Variants in COL23A1 observed in about 807,000 individuals in gnomAD.
COL23A1 encodes the protein collagen alpha-1(XXIII) chain.
COL23A1 carries 97 observed loss-of-function variants against 99.3 expected under a neutral mutation model. The observed-to-expected ratio is 0.98, with a 90% CI of 0.83 to 1.16. COL23A1 has a LOEUF of 1.16. Among genes scored for constraint, COL23A1 ranks in the 50% most tolerant of loss-of-function variants. The pLI, the probability that COL23A1 is intolerant of heterozygous loss-of-function variation, is 0.00. For missense variants in COL23A1, 762 were observed against 757.4 expected, an observed-to-expected ratio of 1.01 and a Z score of -0.07; for synonymous variants, 320 against 308.2, an observed-to-expected ratio of 1.04 and a Z score of -0.40.
intron 2 of COL23A1, among the ~76,000 whole-genome samples, chr5:178,548,746 T>C (rs1431218560): frequency 6.6e-6 from 1 of 152,180 alleles, no homozygotes; most frequent in African/African-American, 2.4e-5. Flanking sequence ...TTGTATGTGT[T>C]GAAATTGTTT....
intron 2 of COL23A1, among the ~76,000 whole-genome samples, chr5:178,422,604 G>A (rs1189978548): frequency 6.6e-6 from 1 of 152,050 alleles, no homozygotes; most frequent in Non-Finnish European, 1.5e-5. Flanking sequence ...GAGCTGGGAG[G>A]GACGGGACCT....
At chr5:178,329,286 G>A (rs1427046404) in intron 2 of COL23A1, among the ~76,000 whole-genome samples, 2 of 152,134 alleles carry the variant, frequency 1.3e-5, no homozygotes, top group East Asian at 1.9e-4. Context: ...TCTGACTTTC[G>A]AATTCACCCG....
intron 2 of COL23A1, among the ~76,000 whole-genome samples, chr5:178,538,136 C>A (rs1482579173): frequency 3.1e-4 from 47 of 152,220 alleles, no homozygotes; most frequent in Admixed American, 3.1e-3. Context: ...TCATCCTGAG[C>A]ACAGAGGAGC....
At chr5:178,471,271 C>T (rs969609369) in intron 2 of COL23A1, among the ~76,000 whole-genome samples, 3 of 152,082 alleles carry the variant, frequency 2.0e-5, no homozygotes, top group Non-Finnish European at 4.4e-5. Flanking sequence ...GACAGAGTCT[C>T]GCTCTTGTCA....
At chr5:178,537,485 G>A (rs1339885899) in intron 2 of COL23A1, among the ~76,000 whole-genome samples, 1 of 152,126 alleles carries the variant, frequency 6.6e-6, no homozygotes, top group Non-Finnish European at 1.5e-5. Context: ...AGTGTCCACA[G>A]ATGCCTGGGA....
At chr5:178,241,024 T>C (rs1276054298) in intron 27 of COL23A1, among the ~76,000 whole-genome samples, 1 of 152,146 alleles carries the variant, frequency 6.6e-6, no homozygotes, top group Non-Finnish European at 1.5e-5. Flanking sequence ...GACAATCGCT[T>C]GAGCCCAGAC....
intron 2 of COL23A1, among the ~76,000 whole-genome samples, chr5:178,432,110 C>T (rs1057301253): frequency 3.3e-5 from 5 of 152,152 alleles, no homozygotes; most frequent in African/African-American, 4.8e-5. Context: ...CTGGTACGTC[C>T]CCTGAGTGTT....
intron 2 of COL23A1, among the ~76,000 whole-genome samples, chr5:178,337,358 T>C (rs1277766135): frequency 6.6e-6 from 1 of 152,156 alleles, no homozygotes; most frequent in Non-Finnish European, 1.5e-5. Context: ...ACCAACAGAT[T>C]TCACCCACCT....
intron 2 of COL23A1, among the ~76,000 whole-genome samples, chr5:178,314,711 C>T (rs1265574628): frequency 1.3e-5 from 2 of 152,154 alleles, no homozygotes; most frequent in Non-Finnish European, 2.9e-5. Flanking sequence ...CTCGAGTCTA[C>T]GGTATTAACT....
chr5:178,247,343 G>T (rs1764756945), intron 22 of COL23A1, among the ~76,000 whole-genome samples, 183 bp downstream of exon 22: 1 of 152,114 alleles, frequency 6.6e-6, no homozygotes, highest in Non-Finnish European at 1.5e-5. Context: ...TGGAGAGGGG[G>T]GCATTGGCCT....
At chr5:178,253,208 C>T (rs866362716) in intron 16 of COL23A1, among the ~76,000 whole-genome samples, 2 of 152,084 alleles carry the variant, frequency 1.3e-5, no homozygotes, top group African/African-American at 4.8e-5. Context: ...CCTCCACACT[C>T]CTCCCCTCCC....
At chr5:178,510,159 A>T (rs1159237901) in intron 2 of COL23A1, among the ~76,000 whole-genome samples, 2 of 152,252 alleles carry the variant, frequency 1.3e-5, no homozygotes, top group African/African-American at 4.8e-5. Context: ...TTTAAAAGAA[A>T]ACATTTTTCT....
chr5:178,400,106 C>T (rs979840152), intron 2 of COL23A1, among the ~76,000 whole-genome samples: 10 of 152,096 alleles, frequency 6.6e-5, no homozygotes, highest in Non-Finnish European at 1.5e-4. Context: ...GTGGCTCACA[C>T]CTGTAATCCC....
At chr5:178,268,638 G>T in intron 7 of COL23A1, 92 bp downstream of exon 7, 1 of 1,391,662 alleles carries the variant, frequency 7.2e-7, no homozygotes, top group Non-Finnish European at 1.0e-6. Context: ...GCTGTGATGT[G>T]CTCAAGGGCA....
chr5:178,353,920 T>A (rs1305077737), intron 2 of COL23A1, among the ~76,000 whole-genome samples: 2 of 148,678 alleles, frequency 1.3e-5, no homozygotes, highest in East Asian at 2.0e-4. Context: ...AAACTGTGTA[T>A]GTTGTGCTAC....
chr5:178,534,960 T>C (rs1455243686), intron 2 of COL23A1, among the ~76,000 whole-genome samples: 1 of 145,408 alleles, frequency 6.9e-6, no homozygotes, highest in African/African-American at 2.6e-5. Context: ...AGATTCCTTC[T>C]TTTTCCTTTT....
intron 2 of COL23A1, among the ~76,000 whole-genome samples, chr5:178,477,852 C>T (rs1328294065): frequency 2.6e-5 from 4 of 152,196 alleles, no homozygotes; most frequent in Non-Finnish European, 5.9e-5. Flanking sequence ...AAGTCTGCCA[C>T]TCTGATGCTT....
rs189015053 is a variant in COL23A1 at position 178,284,498 on chromosome 5, A to C, written c.441+3826T>G. Among the ~76,000 whole-genome samples the C allele has an allele frequency of 2.6e-5, 4 of 152,330 alleles. No individual in the cohort carries two copies. The East Asian group carries it at 7.7e-4, about 29-fold the overall frequency. On this transcript the variant is annotated intron_variant, in intron 5 of 28. Coordinates refer to ENST00000390654, the MANE Select transcript of COL23A1 (RefSeq NM_173465.4). ...AATTAGTACAGTCTCCTGGAGGGCA[A>C]TTTGGCAATACACATCAAAAGCCTT...
intron 1 of COL23A1, among the ~76,000 whole-genome samples, chr5:178,579,110 G>A (rs1179357692): frequency 6.6e-6 from 1 of 152,058 alleles, no homozygotes; most frequent in East Asian, 1.9e-4. Flanking sequence ...TTTTGCTTCT[G>A]TATATCCTTA....
Sources: gnomAD v4.1 joint callset for allele counts (sites outside exome capture counted in the v4.1 genomes callset) on GRCh38, gnomAD v4.1.1 for gene constraint, MANE v1.5 for transcripts, NCBI Gene and HGNC (gene_info 2026-07-23, HGNC 2026-07-21) for gene names.